Variants in KIRREL3 observed in about 807,000 individuals in gnomAD.
The protein encoded by KIRREL3 is kin of IRRE-like protein 3.
KIRREL3 carries 36 observed loss-of-function variants against 89.7 expected under a neutral mutation model. The observed-to-expected ratio is 0.40, with a 90% CI of 0.31 to 0.53. KIRREL3 has a LOEUF of 0.53. Among genes scored for constraint, KIRREL3 ranks in the 20% least tolerant of loss-of-function variants. The pLI, the probability that KIRREL3 is intolerant of heterozygous loss-of-function variation, is 0.49. For synonymous variants in KIRREL3, 445 were observed against 441.4 expected (o/e 1.01, Z -0.10); for missense variants, 864 against 1,056.6 (o/e 0.82, Z 2.53).
chr11:126,822,197 C>G (rs550865255), intron 1 of KIRREL3, among the ~76,000 whole-genome samples: 9 of 152,234 alleles, frequency 5.9e-5, no homozygotes, highest in African/African-American at 1.7e-4. Context: ...TATGGAATTG[C>G]CTAGTACACA....
In KIRREL3 at chr11:126,795,824, G is replaced by A. The variant is rs112728298; in HGVS notation, c.55+204631C>T. Among the ~76,000 whole-genome samples the A allele has an allele frequency of 3.9e-5, 6 of 152,250 alleles. No individual in the cohort carries two copies. The highest frequency in any genetic ancestry group is 1.4e-4 in the African/African-American group (6 of 41,570). On this transcript the variant is annotated intron_variant, in intron 1 of 16. Coordinates refer to ENST00000525144, the MANE Select transcript of KIRREL3 (RefSeq NM_032531.4). The surrounding 1 kb of genome is among the most constrained non-coding windows in gnomAD (Gnocchi z 4.1). ...TTCTTCTTCCCCCTGTGCACCCCAA[G>A]AGCGTACATCAGCTCTTTGGAGGGG...
At chr11:126,927,726 C>T (rs143839350) in intron 1 of KIRREL3, among the ~76,000 whole-genome samples, 1 of 152,306 alleles carries the variant, frequency 6.6e-6, no homozygotes, top group East Asian at 1.9e-4. Flanking sequence ...CACAGAAAAA[C>T]CAAGCATAGG....
chr11:126,840,867 C>A (rs1943942964), intron 1 of KIRREL3, among the ~76,000 whole-genome samples: 1 of 152,134 alleles, frequency 6.6e-6, no homozygotes, highest in African/African-American at 2.4e-5. Context: ...GTGATGCTGG[C>A]AATTTGGAGA....
chr11:126,500,608 C>T (rs7937719), intron 4 of KIRREL3, among the ~76,000 whole-genome samples: 41,107 of 151,778 alleles, frequency 0.27, 7,409 homozygotes, highest in African/African-American at 0.51. Flanking sequence ...GGCGTGGTGG[C>T]GGGCACCTGT....
intron 1 of KIRREL3, among the ~76,000 whole-genome samples, chr11:126,590,221 T>C (rs1343278384): frequency 6.6e-6 from 1 of 152,190 alleles, no homozygotes; most frequent in African/African-American, 2.4e-5. Context: ...CAAATTGATT[T>C]CTAGAACTGA....
intron 2 of KIRREL3, among the ~76,000 whole-genome samples, chr11:126,543,288 G>A (rs1054861962): frequency 6.6e-6 from 1 of 152,208 alleles, no homozygotes; most frequent in Admixed American, 6.5e-5. Context: ...GGATGGAGAG[G>A]GAGTGTGAGG....
At chr11:126,935,763 A>G (rs1948159107) in intron 1 of KIRREL3, 1 of 152,192 alleles carries the variant, frequency 6.6e-6, no homozygotes. Context: ...GAGGATTTTT[A>G]GGGCAGTGAA....
intron 9 of KIRREL3, among the ~76,000 whole-genome samples, chr11:126,446,275 TTTTCTTTCTC>T (rs1308143043): frequency 3.1e-5 from 4 of 130,602 alleles, no homozygotes; most frequent in African/African-American, 1.2e-4. Flanking sequence ...TCTCTCTTTC[TTTTCTTTCTC>T]CTTTCTTTCT....
chr11:126,598,256 G>T (rs1157276284), intron 1 of KIRREL3, among the ~76,000 whole-genome samples: 1 of 152,172 alleles, frequency 6.6e-6, no homozygotes, highest in Non-Finnish European at 1.5e-5. Context: ...AAGAATTTTG[G>T]ATTTAGATTC....
chr11:126,988,001 C>A, intron 1 of KIRREL3, among the ~76,000 whole-genome samples: 1 of 152,092 alleles, frequency 6.6e-6, no homozygotes, highest in East Asian at 1.9e-4. Context: ...CCCCTAATAA[C>A]CATTATTAAT....
rs1204457554 is a variant in KIRREL3 at position 126,519,182 on chromosome 11, G to A, written c.433+2133C>T. 6.6e-6 allele frequency among the ~76,000 whole-genome samples: 1 copy of A among 152,220 alleles called. No homozygotes were observed. Among genetic ancestry groups the A allele is most frequent in the African/African-American group, 2.4e-5 (1 of 41,460 alleles). On this transcript the variant is annotated intron_variant, in intron 4 of 16. Transcript: ENST00000525144. The surrounding 1 kb of genome is among the most constrained non-coding windows in gnomAD (Gnocchi z 4.3). The stretch of plus-strand genomic sequence containing the variant: ...CAGGCCATGCCACCGGAGAGGAAGG[G>A]GGAGCGAATGCCTTTTAGACATGAC...
intron 3 of KIRREL3, among the ~76,000 whole-genome samples, chr11:126,524,296 A>G: frequency 6.6e-6 from 1 of 152,256 alleles, no homozygotes; most frequent in Admixed American, 6.5e-5. Context: ...TAGTCTATAA[A>G]TGCCAATTTA....
intron 4 of KIRREL3, among the ~76,000 whole-genome samples, chr11:126,500,863 T>C (rs1221019549): frequency 6.6e-6 from 1 of 152,144 alleles, no homozygotes; most frequent in East Asian, 1.9e-4. Context: ...GGAGACTAAG[T>C]GGGGAAATGC....
chr11:126,863,481 G>A (rs1944794483), intron 1 of KIRREL3, among the ~76,000 whole-genome samples: 1 of 52,298 alleles, frequency 1.9e-5, no homozygotes, highest in Non-Finnish European at 3.7e-5. Flanking sequence ...GTGAGTGCGT[G>A]TGTGAGTGCG....
intron 1 of KIRREL3, among the ~76,000 whole-genome samples, chr11:126,824,933 C>G (rs1320571328): frequency 6.6e-6 from 1 of 152,182 alleles, no homozygotes; most frequent in Admixed American, 6.5e-5. Flanking sequence ...GGAATTTCCT[C>G]TCCTAGTGGA....
At chr11:126,919,228 A>G (rs972312540) in intron 1 of KIRREL3, among the ~76,000 whole-genome samples, 1 of 152,112 alleles carries the variant, frequency 6.6e-6, no homozygotes, top group Non-Finnish European at 1.5e-5. Flanking sequence ...GATGAGATTG[A>G]GCGCTGTGGT....
At position 126,642,332 on chromosome 11, in the gene KIRREL3, G is replaced by T. The variant is rs1486241008; in HGVS notation, c.56-79420C>A. 6.6e-6 allele frequency among the ~76,000 whole-genome samples: 1 copy of T among 152,188 alleles called. No individual in the cohort carries two copies. The highest frequency in any genetic ancestry group is 1.5e-5 in the Non-Finnish European group (1 of 68,042). ...CGCCAAGTCTCCCTGTAAACACTGT[G>T]GTTATGCCCACACTAGGCAATGCCT... On this transcript the variant is annotated intron_variant, in intron 1 of 16. Coordinates refer to ENST00000525144, the MANE Select transcript of KIRREL3 (RefSeq NM_032531.4). This position sits in a 1 kb window ranked among gnomAD's most constrained non-coding sequence, Gnocchi z 4.9.
chr11:126,562,086 T>C lies in KIRREL3; in HGVS notation c.133+749A>G, dbSNP rs1419468606. On this transcript the variant is annotated intron_variant, in intron 2 of 16. Transcript: ENST00000525144. The surrounding 1 kb of genome is among the most constrained non-coding windows in gnomAD (Gnocchi z 4.7). The stretch of plus-strand genomic sequence containing the variant: ...GAATAAATGGCATCCCCAGCCATTG[T>C]TTATCTACTTTTGAATCCTGACAAA... 6.6e-6 allele frequency among the ~76,000 whole-genome samples: 1 copy of C among 152,206 alleles called. No individual in the cohort carries two copies. The highest frequency in any genetic ancestry group is 2.4e-5 in the African/African-American group (1 of 41,440).
chr11:126,787,663 C>T (rs895340464), intron 1 of KIRREL3, among the ~76,000 whole-genome samples: 32 of 152,264 alleles, frequency 2.1e-4, no homozygotes, highest in Admixed American at 1.7e-3. Context: ...AGCCAGCCTC[C>T]GGAATATAAT....
Sources: allele counts gnomAD v4.1 joint callset (sites outside exome capture counted in the v4.1 genomes callset), GRCh38; gene constraint gnomAD v4.1.1; non-coding constraint Gnocchi (gnomAD v3.1); transcripts MANE v1.5; gene names NCBI Gene and HGNC (gene_info 2026-07-23, HGNC 2026-07-21).